MACROD2: variants seen among roughly 807,000 people sequenced by gnomAD.
MACROD2 encodes the protein mono-ADP ribosylhydrolase 2, also known as ADP-ribose glycohydrolase MACROD2.
MACROD2 carries 36 observed loss-of-function variants against 70.4 expected under a neutral mutation model. The observed-to-expected ratio is 0.51, with a 90% CI of 0.39 to 0.68. MACROD2 has a LOEUF of 0.68. MACROD2 is among the 30% of genes least tolerant of loss of function. The pLI, the probability that MACROD2 is intolerant of heterozygous loss-of-function variation, is 0.00. For missense variants in MACROD2, 496 were observed against 538.4 expected, an observed-to-expected ratio of 0.92 and a Z score of 0.78; for synonymous variants, 172 against 178.8, an observed-to-expected ratio of 0.96 and a Z score of 0.30.
rs11468972 is a variant in MACROD2, at chr20:14,981,021, A to AGTGTGTGTGT, written c.419-248897_419-248888dup. ...GCCAGAAGGATCCTTTACAAAAAGA[A>AGTGTGTGTGT]GTGTGTGTGTGTGTGTGTGTGTGTG... On this transcript the variant is annotated intron_variant, in intron 5 of 17. Transcript: ENST00000684519. 3.1e-3 allele frequency among the ~76,000 whole-genome samples: 451 copies of AGTGTGTGTGT among 143,744 alleles called. 4 individuals carry two copies. The highest frequency in any genetic ancestry group is 0.011 in the African/African-American group (423 of 39,422). 94.3% of individuals were successfully genotyped at this position (143,744 alleles called of 152,430 possible).
chr20:14,721,254 C>CAA (rs200181158), intron 5 of MACROD2, among the ~76,000 whole-genome samples: 122 of 90,248 alleles, frequency 1.4e-3, no homozygotes, highest in South Asian at 5.3e-3. Flanking sequence ...GACCCCATCT[C>CAA]AAAAAAAAAA....
chr20:14,692,817 T>A (rs1249254033), intron 5 of MACROD2, among the ~76,000 whole-genome samples: 1 of 152,240 alleles, frequency 6.6e-6, no homozygotes, highest in Non-Finnish European at 1.5e-5. Context: ...TGTTCTATGC[T>A]TAGCTTCTTT....
Position 14,300,959 on chromosome 20 carries a change from C to T in MACROD2, c.272-192520C>T, listed in dbSNP as rs193003783. Reference sequence around the variant, plus strand: ...GACAGTTATAAGGAAAAGCTGTGGCCGTCTTAATAATAGCTAAGATATATT... The same window carrying T: ...GACAGTTATAAGGAAAAGCTGTGGCTGTCTTAATAATAGCTAAGATATATT... On this transcript the variant is annotated intron_variant, in intron 3 of 17. Coordinates refer to ENST00000684519, the MANE Select transcript of MACROD2 (RefSeq NM_001351661.2). Among the ~76,000 whole-genome samples the T allele has an allele frequency of 3.9e-5, 6 of 152,244 alleles. 1 individual carries two copies. In the South Asian group the frequency reaches 6.2e-4, roughly 16 times the overall value.
Position 14,493,557 on chromosome 20 carries a change from C to T in MACROD2, c.301+49C>T, listed in dbSNP as rs1216817190. The T allele has an allele frequency of 4.8e-6, 7 of 1,447,356 alleles. No homozygotes were observed. The African/African-American group carries it at 5.6e-5, about 12-fold the overall frequency. The allele number at this position is 1,447,356 out of a possible 1,614,324, so 89.7% of individuals were successfully genotyped here. A position where few individuals can be genotyped will look rare whatever the true frequency, so the allele number is the denominator to read the frequency against. The stretch of plus-strand genomic sequence containing the variant: ...TTAAAATACATTTTAATTGTTATAC[C>T]AACTACAAGATATTTAGTAAGTTCT... On this transcript the variant is annotated intron_variant, in intron 4 of 17. Transcript: ENST00000684519.
At chr20:14,574,955 G>A (rs1980478641) in intron 4 of MACROD2, among the ~76,000 whole-genome samples, 1 of 142,568 alleles carries the variant, frequency 7.0e-6, no homozygotes, top group Non-Finnish European at 1.5e-5. Flanking sequence ...AGCTTGCAGT[G>A]AGCCGAGATT....
intron 5 of MACROD2, among the ~76,000 whole-genome samples, chr20:15,197,960 CTTTT>C (rs56284199): frequency 2.3e-4 from 27 of 118,686 alleles, no homozygotes; most frequent in Admixed American, 3.0e-4. Flanking sequence ...GCCTGGCCTC[CTTTT>C]TTTTTTTTTT....
At chr20:15,479,896 A>G (rs2146451538) in intron 7 of MACROD2, among the ~76,000 whole-genome samples, 1 of 152,374 alleles carries the variant, frequency 6.6e-6, no homozygotes, top group African/African-American at 2.4e-5. Flanking sequence ...GTATGTAAAT[A>G]TAAAAACACC....
At chr20:14,202,340 A>G (rs951484606) in intron 3 of MACROD2, among the ~76,000 whole-genome samples, 25 of 152,240 alleles carry the variant, frequency 1.6e-4, no homozygotes, top group Admixed American at 4.6e-4. Context: ...TTTGATCCAC[A>G]CCCAATTTGT....
At chr20:15,140,643 G>A (rs942252179) in intron 5 of MACROD2, among the ~76,000 whole-genome samples, 1 of 152,094 alleles carries the variant, frequency 6.6e-6, no homozygotes, top group African/African-American at 2.4e-5. Context: ...TCTCTTTTCA[G>A]AAGTGAGGCT....
chr20:15,222,356 A>G (rs2076869704), intron 5 of MACROD2, among the ~76,000 whole-genome samples: 1 of 152,188 alleles, frequency 6.6e-6, no homozygotes, highest in South Asian at 2.1e-4. Flanking sequence ...GAAAACACTG[A>G]CCTATGTGGA....
At chr20:14,283,382 T>C (rs989778300) in intron 3 of MACROD2, among the ~76,000 whole-genome samples, 3 of 152,142 alleles carry the variant, frequency 2.0e-5, no homozygotes, top group African/African-American at 7.2e-5. Flanking sequence ...TTAAGAACAA[T>C]TTTTTTCAAT....
rs139491446 is a variant in MACROD2 at position 15,690,228 on chromosome 20, A to G, written c.646-172517A>G. On this transcript the variant is annotated intron_variant, in intron 8 of 17. Transcript: ENST00000684519. ...AGATGAATGGTGCTCTAGGATATTG[A>G]CAATTAGTATGACATGTGGCAGATA... Among the ~76,000 whole-genome samples the G allele has an allele frequency of 2.3e-3, 348 of 152,338 alleles. 2 individuals carry two copies. The highest frequency in any genetic ancestry group is 8.2e-3 in the African/African-American group (340 of 41,586).
intron 5 of MACROD2, among the ~76,000 whole-genome samples, chr20:15,129,199 T>C (rs989211932): frequency 1.3e-5 from 2 of 151,478 alleles, no homozygotes; most frequent in African/African-American, 2.4e-5. Context: ...CTAAAATCTG[T>C]ATTTAATATA....
At chr20:15,352,084 A>G (rs2078233680) in intron 6 of MACROD2, among the ~76,000 whole-genome samples, 7 of 152,228 alleles carry the variant, frequency 4.6e-5, no homozygotes, top group Admixed American at 4.6e-4. Context: ...AAACTGAGGC[A>G]GCCATAATGG....
chr20:14,989,905 T>C (rs2074886324), intron 5 of MACROD2, among the ~76,000 whole-genome samples: 1 of 152,200 alleles, frequency 6.6e-6, no homozygotes, highest in South Asian at 2.1e-4. Context: ...TCTATGTTCC[T>C]ACAATCACCC....
rs113396962 is a variant in MACROD2 at position 15,538,529 on chromosome 20, C to T, written c.645+38682C>T. On this transcript the variant is annotated intron_variant, in intron 8 of 17. Transcript: ENST00000684519. ...GAGTTTGAGATGCTCATCAGATTTCCAGATGAATCAACTGGTTCAATCACA... is the reference window on the plus strand; with the variant it reads ...GAGTTTGAGATGCTCATCAGATTTCTAGATGAATCAACTGGTTCAATCACA... 1.8e-3 allele frequency among the ~76,000 whole-genome samples: 277 copies of T among 152,278 alleles called. 1 individual carries two copies. Among genetic ancestry groups the T allele is most frequent in the African/African-American group, 6.2e-3 (257 of 41,548 alleles).
intron 3 of MACROD2, among the ~76,000 whole-genome samples, chr20:14,281,766 C>G (rs1424818275): frequency 7.9e-5 from 12 of 151,770 alleles, no homozygotes; most frequent in Non-Finnish European, 1.0e-4. Context: ...GAAACCCTGT[C>G]TCTCCTAAAA....
chr20:15,951,986 G>A (rs773977741), intron 12 of MACROD2, among the ~76,000 whole-genome samples: 5 of 152,072 alleles, frequency 3.3e-5, no homozygotes, highest in African/African-American at 4.8e-5. Flanking sequence ...GGAGGGACCC[G>A]GTGGGAGGTA....
intron 3 of MACROD2, among the ~76,000 whole-genome samples, chr20:14,319,606 G>A (rs1185857849): frequency 6.6e-6 from 1 of 152,054 alleles, no homozygotes; most frequent in African/African-American, 2.4e-5. Context: ...TCATTACTCT[G>A]CAGACGCTGC....
Sources: gnomAD v4.1 joint callset for allele counts (sites outside exome capture counted in the v4.1 genomes callset) on GRCh38, gnomAD v4.1.1 for gene constraint, MANE v1.5 for transcripts, NCBI Gene and HGNC (gene_info 2026-07-23, HGNC 2026-07-21) for gene names.